Variants in C5 observed in about 807,000 individuals in gnomAD.
The protein encoded by C5 is complement C5.
Under a neutral mutation model 218.8 loss-of-function variants are expected in C5, and 140 were observed. The ratio of observed to expected loss-of-function variants is 0.64; its 90% CI spans 0.56 to 0.74. The LOEUF is 0.74. Among genes scored for constraint, C5 ranks in the 30% least tolerant of loss-of-function variants. C5 has a pLI of 0.00. For missense variants in C5, 1,700 were observed against 1,969.6 expected, an observed-to-expected ratio of 0.86 and a Z score of 2.59; for synonymous variants, 614 against 682.3, an observed-to-expected ratio of 0.90 and a Z score of 1.56.
chr9:120,961,289 T>C (rs558726451), intron 37 of C5, among the ~76,000 whole-genome samples, 193 bp downstream of exon 37: 1 of 152,312 alleles, frequency 6.6e-6, no homozygotes, highest in East Asian at 1.9e-4. Context: ...CAGCATGAAC[T>C]ATCAGGTTGT....
At chr9:121,062,756 C>CA in the C5 span, among the ~76,000 whole-genome samples, 1 of 152,190 alleles carries the variant, frequency 6.6e-6, no homozygotes, top group African/African-American at 2.4e-5. Context: ...TTTTGGTTGA[C>CA]AGTCTTTTTC....
chr9:120,966,743 T>C (rs2046871038), intron 33 of C5, among the ~76,000 whole-genome samples: 1 of 152,050 alleles, frequency 6.6e-6, no homozygotes, highest in South Asian at 2.1e-4. Context: ...TGAGGAAAGA[T>C]GTTTGAGCGG....
rs759595086 is a variant in C5 at position 121,027,242 on chromosome 9, T to C, written c.791A>G (p.Asp264Gly). The C allele has an allele frequency of 1.3e-6, 2 of 1,588,454 alleles. No individual in the cohort carries two copies. Among genetic ancestry groups the C allele is most frequent in the South Asian group, 2.2e-5 (2 of 89,944 alleles). The change falls in exon 8 of 41, where the codon GAC becomes GGC. Residue 264 changes from aspartate to glycine, a missense_variant. By Grantham distance (94) the Asp-to-Gly change is moderately conservative (BLOSUM62 -1). Transcript: ENST00000223642. ...TCTTATTCCAAATGTGATATAAACG[T>C]CAGCCTCAGTGACTACTTTATTATA... ...YFYNKVVTEA[D>G]VYITFGIRED...
Position 121,016,368 on chromosome 9 carries a change from C to G in C5, c.1882G>C (p.Glu628Gln). 6.2e-7 allele frequency: 1 copy of G among 1,614,024 alleles called. No homozygotes were observed. Among genetic ancestry groups the G allele is most frequent in the Non-Finnish European group, 8.5e-7 (1 of 1,179,908 alleles). The change falls in exon 15 of 41, where the codon GAG (glutamate) becomes CAG (glutamine). Residue 628 changes from glutamate to glutamine, a missense_variant. By Grantham distance (29) the Glu-to-Gln change is conservative (BLOSUM62 2). Coordinates refer to ENST00000223642, the MANE Select transcript of C5 (RefSeq NM_001735.3). ...KPLERVFQFL[E>Q]KSDLGCGAGG... ...GCCCCACAGCCCAGATCACTCTTCT[C>G]TAAGAATTGAAATACCTGTCCAGAA...
At chr9:121,022,728 TA>T (rs1468881998) in intron 10 of C5, among the ~76,000 whole-genome samples, 1 of 150,648 alleles carries the variant, frequency 6.6e-6, no homozygotes, top group Non-Finnish European at 1.5e-5. Flanking sequence ...TTATTTGTAA[TA>T]AAATATATAA....
In C5 at chr9:120,957,342, T is replaced by G. The variant is rs761788277; in HGVS notation, c.4705A>C (p.Thr1569Pro). 6.2e-7 allele frequency: 1 copy of G among 1,612,760 alleles called. No individual in the cohort carries two copies. Among genetic ancestry groups the G allele is most frequent in the East Asian group, 2.2e-5 (1 of 44,804 alleles). ...YAYKVSITSI[T>P]VENVFVKYKA... ...TACTTGACAAAAACATTTTCTACAG[T>G]GATGGATGTGATGCTAACTTTATAA... is the stretch of plus-strand genomic sequence containing the variant. The change falls in exon 39 of 41, where the codon ACT (threonine) becomes CCT (proline). Residue 1569 changes from threonine to proline, a missense_variant. Physicochemically the swap from Thr to Pro is conservative, Grantham distance 38. Coordinates refer to ENST00000223642, the MANE Select transcript of C5 (RefSeq NM_001735.3).
chr9:121,066,140 C>T, the C5 span, among the ~76,000 whole-genome samples: 4 of 151,448 alleles, frequency 2.6e-5, no homozygotes, highest in Non-Finnish European at 4.4e-5. Flanking sequence ...TGGCGAAACC[C>T]CATCTCTACT....
At chr9:120,964,607 T>C (rs2046852723) in intron 33 of C5, among the ~76,000 whole-genome samples, 1 of 152,194 alleles carries the variant, frequency 6.6e-6, no homozygotes, top group Admixed American at 6.5e-5. Flanking sequence ...ATATAGAAAA[T>C]GTTTCAAGGA....
At chr9:121,018,252 CAAAAA>C (rs1189613789) in intron 12 of C5, among the ~76,000 whole-genome samples, 7,486 of 41,656 alleles carry the variant, frequency 0.18, 234 homozygotes, top group Non-Finnish European at 0.23. Flanking sequence ...GACTCTGTCT[CAAAAA>C]AAAAAAAAAA....
chr9:120,971,676 G>A (rs1318897797), intron 31 of C5, among the ~76,000 whole-genome samples: 1 of 152,146 alleles, frequency 6.6e-6, no homozygotes, highest in Non-Finnish European at 1.5e-5. Context: ...TGACCTCGTG[G>A]TCTGCCCGCC....
At chr9:121,044,552 G>A (rs564486362) in intron 2 of C5, among the ~76,000 whole-genome samples, 7 of 152,248 alleles carry the variant, frequency 4.6e-5, no homozygotes, top group African/African-American at 1.7e-4. Flanking sequence ...CGTAATAAAT[G>A]AGATTTGACA....
At chr9:121,023,234 C>T (rs1056827840) in intron 10 of C5, among the ~76,000 whole-genome samples, 170 bp downstream of exon 10, 5 of 152,214 alleles carry the variant, frequency 3.3e-5, no homozygotes, top group Admixed American at 2.6e-4. Flanking sequence ...CTGCAGCTGA[C>T]CTTCAATTTC....
intron 28 of C5, 53 bp from the exon 29 acceptor site, chr9:120,976,958 A>G: frequency 1.3e-6 from 2 of 1,485,110 alleles, no homozygotes; most frequent in Middle Eastern, 1.8e-4. Context: ...TGAATTTGAC[A>G]TAATAATTCT....
At chr9:120,958,262 T>C (rs12375536) in intron 38 of C5, among the ~76,000 whole-genome samples, 1 of 152,172 alleles carries the variant, frequency 6.6e-6, no homozygotes, top group Non-Finnish European at 1.5e-5. Flanking sequence ...ACATGGGCAA[T>C]GTACTTACTA....
At chr9:120,968,985 A>G in intron 33 of C5, 76 bp downstream of exon 33, 2 of 1,275,610 alleles carry the variant, frequency 1.6e-6, no homozygotes, top group Non-Finnish European at 2.3e-6. Context: ...CAAAATTTGA[A>G]AATATGTAAA....
the C5 span, among the ~76,000 whole-genome samples, chr9:121,073,599 C>T: frequency 1.6e-4 from 24 of 149,184 alleles, no homozygotes; most frequent in Non-Finnish European, 3.1e-4. Flanking sequence ...TCACTGCAAC[C>T]TCCGCCTCCC....
At chr9:120,961,404 T>C (rs1311781575) in intron 37 of C5, 78 bp downstream of exon 37, 8 of 867,800 alleles carry the variant, frequency 9.2e-6, no homozygotes, top group Non-Finnish European at 1.6e-5. Context: ...TACCAAACAG[T>C]GTCCCCCAGA....
chr9:120,998,339 A>T (rs913471349), intron 20 of C5, among the ~76,000 whole-genome samples: 3 of 152,232 alleles, frequency 2.0e-5, no homozygotes, highest in Non-Finnish European at 2.9e-5. Context: ...ACTGTTACGT[A>T]CTAAATTGGG....
chr9:121,043,555 G>A (rs1174909020), intron 2 of C5, among the ~76,000 whole-genome samples: 1 of 151,498 alleles, frequency 6.6e-6, no homozygotes, highest in Non-Finnish European at 1.5e-5. Flanking sequence ...TTGAGACGGA[G>A]TCTCACTTAC....
Sources: gnomAD v4.1 joint callset for allele counts (sites outside exome capture counted in the v4.1 genomes callset) on GRCh38, gnomAD v4.1.1 for gene constraint, MANE v1.5 for transcripts, NCBI Gene and HGNC (gene_info 2026-07-23, HGNC 2026-07-21) for gene names.